EYS: variants seen among roughly 807,000 people sequenced by gnomAD.
The protein encoded by EYS is EGF-like photoreceptor maintenance factor.
In EYS, 250 loss-of-function variants were observed where a neutral mutation model predicts 282.1. The ratio of observed to expected loss-of-function variants is 0.89; its 90% confidence interval spans 0.80 to 0.98. EYS has a LOEUF of 0.98. Among genes scored for constraint, EYS ranks in the 50% least tolerant of loss-of-function variants. The probability of loss-of-function intolerance (pLI) is 0.00; values close to 1 mark genes in which losing one functional copy is unlikely to be tolerated. For synonymous variants in EYS, 1,355 were observed against 1,282.9 expected, an observed-to-expected ratio of 1.06 and a Z score of -1.20; for missense variants, 4,016 against 3,709.0, an observed-to-expected ratio of 1.08 and a Z score of -2.15.
intron 1 of EYS, among the ~76,000 whole-genome samples, chr6:65,644,545 A>G (rs1306718041): frequency 1.3e-5 from 2 of 152,200 alleles, no homozygotes; most frequent in Admixed American, 1.3e-4. Context: ...TAGACATCCA[A>G]ATACAAAACA....
intron 29 of EYS, among the ~76,000 whole-genome samples, chr6:64,350,871 T>A (rs911550329): frequency 6.6e-6 from 1 of 151,426 alleles, no homozygotes; most frequent in Admixed American, 6.6e-5. Context: ...TGGGGCCCTG[T>A]CCCCCATGCT....
At chr6:64,244,713 C>A (rs976263858) in intron 30 of EYS, among the ~76,000 whole-genome samples, 2 of 152,256 alleles carry the variant, frequency 1.3e-5, no homozygotes, top group African/African-American at 4.8e-5. Flanking sequence ...GATATACTAT[C>A]TTGCTCATTA....
At chr6:63,874,386 T>C (rs899551135) in intron 35 of EYS, among the ~76,000 whole-genome samples, 2 of 152,224 alleles carry the variant, frequency 1.3e-5, no homozygotes, top group Non-Finnish European at 2.9e-5. Flanking sequence ...CATGCTGTTT[T>C]TGTTACCATA....
At chr6:64,224,029 A>T (rs1766185114) in intron 31 of EYS, among the ~76,000 whole-genome samples, 1 of 152,092 alleles carries the variant, frequency 6.6e-6, no homozygotes, top group Admixed American at 6.6e-5. Context: ...GTGGGGCAGA[A>T]GATAGTGCCA....
intron 35 of EYS, among the ~76,000 whole-genome samples, chr6:63,978,264 G>C (rs1319377529): frequency 6.6e-6 from 1 of 151,936 alleles, no homozygotes; most frequent in Non-Finnish European, 1.5e-5. Flanking sequence ...CGAAAACCTG[G>C]TTAGCTTTCC....
chr6:65,055,576 T>C (rs1773389904), intron 13 of EYS, among the ~76,000 whole-genome samples: 1 of 152,098 alleles, frequency 6.6e-6, no homozygotes, highest in South Asian at 2.1e-4. Flanking sequence ...AGATACCATA[T>C]TACTTTTAGA....
At chr6:64,532,030 T>G (rs1764358670) in intron 26 of EYS, among the ~76,000 whole-genome samples, 1 of 152,152 alleles carries the variant, frequency 6.6e-6, no homozygotes, top group Non-Finnish European at 1.5e-5. Context: ...CAACCAGGGT[T>G]TTTATGCAAT....
intron 31 of EYS, among the ~76,000 whole-genome samples, chr6:64,203,664 G>A (rs192216477): frequency 2.0e-5 from 3 of 151,898 alleles, no homozygotes; most frequent in Admixed American, 1.3e-4. Flanking sequence ...AGAAAAGGAG[G>A]GACATTAAAA....
intron 40 of EYS, among the ~76,000 whole-genome samples, chr6:63,777,447 A>G (rs1485724473): frequency 6.6e-6 from 1 of 152,178 alleles, no homozygotes; most frequent in Non-Finnish European, 1.5e-5. Context: ...ATTAAATGAC[A>G]TAGTGCTTAC....
chr6:64,303,141 C>T (rs531942938), intron 30 of EYS, among the ~76,000 whole-genome samples: 1 of 152,306 alleles, frequency 6.6e-6, no homozygotes, highest in East Asian at 1.9e-4. Context: ...TTCTCTCACT[C>T]TGCCTGCATG....
intron 1 of EYS, among the ~76,000 whole-genome samples, chr6:65,664,137 C>T (rs1455883067): frequency 2.0e-5 from 3 of 151,856 alleles, no homozygotes; most frequent in African/African-American, 4.8e-5. Context: ...CCCAAAGTGC[C>T]GGGATTACAG....
chr6:65,675,215 TAGAC>T (rs144392254), intron 1 of EYS, among the ~76,000 whole-genome samples: 7,714 of 151,742 alleles, frequency 0.051, 433 homozygotes, highest in East Asian at 0.32. Context: ...AGCTACAAGA[TAGAC>T]AGAAAACAAT....
intron 13 of EYS, among the ~76,000 whole-genome samples, chr6:65,011,974 A>G (rs981145346): frequency 3.3e-5 from 5 of 152,178 alleles, no homozygotes; most frequent in African/African-American, 1.2e-4. Flanking sequence ...AGCAAAAAAA[A>G]GAAAGTAGAT....
chr6:64,688,520 G>T (rs999880406), intron 22 of EYS, among the ~76,000 whole-genome samples: 2 of 152,182 alleles, frequency 1.3e-5, no homozygotes, highest in African/African-American at 4.8e-5. Flanking sequence ...CAGTTTCCAT[G>T]TAATTGAGTG....
intron 29 of EYS, among the ~76,000 whole-genome samples, chr6:64,328,905 C>A (rs1770530020): frequency 6.6e-6 from 1 of 152,090 alleles, no homozygotes; most frequent in Non-Finnish European, 1.5e-5. Flanking sequence ...GTGTGAGATG[C>A]AAGCAGATGG....
chr6:63,994,018 G>A (rs1031571102), intron 34 of EYS, among the ~76,000 whole-genome samples: 1 of 151,882 alleles, frequency 6.6e-6, no homozygotes, highest in African/African-American at 2.4e-5. Flanking sequence ...TTTGAAAAGG[G>A]TACCACAAAT....
chr6:64,151,180 T>C (rs533721065), intron 31 of EYS, among the ~76,000 whole-genome samples: 8 of 151,310 alleles, frequency 5.3e-5, no homozygotes, highest in African/African-American at 1.9e-4. Flanking sequence ...TGTAATGATA[T>C]ATTAAAATAC....
At chr6:64,611,165 T>C (rs753685585) in intron 24 of EYS, among the ~76,000 whole-genome samples, 9 of 152,196 alleles carry the variant, frequency 5.9e-5, no homozygotes, top group Non-Finnish European at 1.3e-4. Flanking sequence ...GTGTTTTTTT[T>C]GTTGTTTGTG....
At chr6:65,035,491 G>A (rs9345589) in intron 13 of EYS, among the ~76,000 whole-genome samples, 55,862 of 151,808 alleles carry the variant, frequency 0.37, 12,464 homozygotes, top group Admixed American at 0.5. Context: ...TAAAGTTTCA[G>A]GATACAAAAT....
Sources: gnomAD v4.1 joint callset for allele counts (sites outside exome capture counted in the v4.1 genomes callset) on GRCh38, gnomAD v4.1.1 for gene constraint, MANE v1.5 for transcripts, NCBI Gene and HGNC (gene_info 2026-07-23, HGNC 2026-07-21) for gene names.